Variants in TASP1 observed in about 807,000 individuals in gnomAD.
TASP1 encodes taspase 1.
TASP1 carries 16 observed loss-of-function variants against 56.6 expected under a neutral mutation model. The observed-to-expected ratio is 0.28, with a 90% confidence interval of 0.19 to 0.43. The LOEUF (loss-of-function observed/expected upper bound fraction) is 0.43. Ranked by LOEUF, TASP1 falls within the 20% of genes least tolerant of loss-of-function variation. TASP1 has a pLI of 1.00. For synonymous variants in TASP1, 179 were observed against 184.2 expected, an observed-to-expected ratio of 0.97 and a Z score of 0.23; for missense variants, 393 against 511.6, an observed-to-expected ratio of 0.77 and a Z score of 2.24.
intron 11 of TASP1, among the ~76,000 whole-genome samples, chr20:13,442,380 G>T (rs1223406836): frequency 1.3e-5 from 2 of 151,864 alleles, no homozygotes; most frequent in African/African-American, 2.4e-5. Context: ...AGAAGAGAAT[G>T]ATCCCAGCAC....
chr20:13,284,792 A>C, the TASP1 span, among the ~76,000 whole-genome samples: 6 of 152,316 alleles, frequency 3.9e-5, no homozygotes, highest in Admixed American at 3.9e-4. Flanking sequence ...GGCGAGTTCT[A>C]TGCCTAACTT....
the TASP1 span, among the ~76,000 whole-genome samples, chr20:13,181,202 T>C: frequency 6.6e-6 from 1 of 152,214 alleles, no homozygotes. Flanking sequence ...CCTTGGCCTC[T>C]TTGCCACCAG....
intron 11 of TASP1, among the ~76,000 whole-genome samples, chr20:13,456,961 G>C (rs906097885): frequency 2.6e-5 from 4 of 151,972 alleles, no homozygotes; most frequent in Admixed American, 2.6e-4. Context: ...ATGAGTTCAT[G>C]TCCTTTGCAG....
intron 2 of TASP1, 22 bp downstream of exon 2, chr20:13,629,912 C>T: frequency 3.7e-6 from 6 of 1,612,982 alleles, no homozygotes; most frequent in Non-Finnish European, 5.1e-6. Flanking sequence ...TTGGCATCTT[C>T]CAAGCCATCC....
chr20:13,339,447 C>T, the TASP1 span, among the ~76,000 whole-genome samples: 3 of 152,152 alleles, frequency 2.0e-5, no homozygotes, highest in African/African-American at 7.2e-5. Context: ...ATTTGTTTAG[C>T]AGCCACTTTG....
At chr20:13,568,987 G>A (rs2046625379) in intron 7 of TASP1, among the ~76,000 whole-genome samples, 1 of 151,798 alleles carries the variant, frequency 6.6e-6, no homozygotes, top group African/African-American at 2.4e-5. Context: ...TTTTATATTG[G>A]GCAATTACTT....
At chr20:13,581,031 TA>T in intron 5 of TASP1, 50 bp from the exon 6 acceptor site, 1 of 1,550,666 alleles carries the variant, frequency 6.4e-7, no homozygotes, top group Non-Finnish European at 8.8e-7. Context: ...AAATGTCTTC[TA>T]GTTTCCCACT....
the TASP1 span, among the ~76,000 whole-genome samples, chr20:13,366,749 C>T: frequency 2.1e-4 from 32 of 152,164 alleles, no homozygotes; most frequent in Admixed American, 2.1e-3. Context: ...GATACACTCT[C>T]TCCGACAAAA....
At chr20:13,522,058 G>A (rs1012234002) in intron 10 of TASP1, among the ~76,000 whole-genome samples, 4 of 152,128 alleles carry the variant, frequency 2.6e-5, no homozygotes, top group South Asian at 2.1e-4. Context: ...CCCCTATGGC[G>A]GGAGTGTGCG....
the TASP1 span, chr20:13,166,745 A>G: frequency 1.3e-5 from 2 of 152,214 alleles, no homozygotes; most frequent in African/African-American, 4.8e-5. Flanking sequence ...GAAAGCAATA[A>G]ACATCTTCCT....
the TASP1 span, among the ~76,000 whole-genome samples, chr20:13,347,757 G>T: frequency 4.0e-5 from 6 of 151,854 alleles, no homozygotes; most frequent in Admixed American, 6.6e-5. Context: ...CAGGAAAATC[G>T]CTTGAATCCG....
chr20:13,270,626 A>G, the TASP1 span: 1 of 1,613,986 alleles, frequency 6.2e-7, no homozygotes, highest in South Asian at 1.1e-5. Context: ...CGCGATTCCG[A>G]CAAGAGACGG....
the TASP1 span, among the ~76,000 whole-genome samples, chr20:13,314,321 T>G: frequency 6.6e-6 from 1 of 152,024 alleles, no homozygotes; most frequent in African/African-American, 2.4e-5. Flanking sequence ...CCCCTACACC[T>G]AGGCATATGA....
the TASP1 span, among the ~76,000 whole-genome samples, chr20:13,150,635 T>C: frequency 6.6e-6 from 1 of 152,208 alleles, no homozygotes; most frequent in Non-Finnish European, 1.5e-5. Context: ...CCCTTTCAGA[T>C]TCATCCTACT....
At chr20:13,444,077 T>C (rs564558756) in intron 11 of TASP1, among the ~76,000 whole-genome samples, 7 of 152,288 alleles carry the variant, frequency 4.6e-5, no homozygotes, top group East Asian at 1.9e-4. Context: ...TCTGAAAAAT[T>C]AGACACTGGA....
chr20:13,372,556 T>TGC, the TASP1 span, among the ~76,000 whole-genome samples: 1 of 151,392 alleles, frequency 6.6e-6, no homozygotes, highest in South Asian at 2.1e-4. Flanking sequence ...TGTAATTTTA[T>TGC]ATATATACAT....
chr20:13,560,690 A>C (rs1377278382), intron 7 of TASP1, among the ~76,000 whole-genome samples: 2 of 152,188 alleles, frequency 1.3e-5, no homozygotes, highest in African/African-American at 4.8e-5. Context: ...AAAGAAAACT[A>C]TCTCTGAGAA....
chr20:13,391,863 G>A (rs1040765286), intron 13 of TASP1, among the ~76,000 whole-genome samples: 2 of 151,650 alleles, frequency 1.3e-5, no homozygotes, highest in African/African-American at 4.8e-5. Flanking sequence ...AGCTACTTGG[G>A]AGGCTGAGGC....
At chr20:13,181,641 T>C in the TASP1 span, among the ~76,000 whole-genome samples, 10 of 152,268 alleles carry the variant, frequency 6.6e-5, no homozygotes, top group Non-Finnish European at 4.4e-5. Flanking sequence ...TTAAACGTGA[T>C]GACGATGAGA....
Sources: allele counts gnomAD v4.1 joint callset (sites outside exome capture counted in the v4.1 genomes callset), GRCh38; gene constraint gnomAD v4.1.1; transcripts MANE v1.5; gene names NCBI Gene and HGNC (gene_info 2026-07-23, HGNC 2026-07-21).